PUM2: variants seen among roughly 807,000 people sequenced by gnomAD.
PUM2 encodes the protein pumilio RNA binding family member 2, also known as pumilio homolog 2.
A neutral mutation model predicts 124.5 loss-of-function variants in PUM2; 57 were observed. The observed-to-expected ratio is 0.46, with a 90% CI of 0.37 to 0.57. The LOEUF (loss-of-function observed/expected upper bound fraction) is 0.57. Ranked by LOEUF, PUM2 falls within the 20% of genes least tolerant of loss-of-function variation. The probability of loss-of-function intolerance (pLI) is 0.00; values close to 1 mark genes in which losing one functional copy is unlikely to be tolerated. For missense variants in PUM2, 1,065 were observed against 1,290.6 expected, an observed-to-expected ratio of 0.83 and a Z score of 2.68; for synonymous variants, 460 against 446.1, an observed-to-expected ratio of 1.03 and a Z score of -0.39.
chr2:20,260,229 T>C (rs1457004404), intron 15 of PUM2, 108 bp downstream of exon 15: 2 of 1,205,474 alleles, frequency 1.7e-6, no homozygotes, highest in Non-Finnish European at 2.3e-6. Flanking sequence ...CCCTGGCTTA[T>C]TATCTTTTTT....
At chr2:20,340,636 G>A (rs1352522437) in intron 1 of PUM2, among the ~76,000 whole-genome samples, 2 of 152,126 alleles carry the variant, frequency 1.3e-5, no homozygotes, top group African/African-American at 4.8e-5. Context: ...CAAGACAGGC[G>A]GATTTTTATT....
intron 1 of PUM2, among the ~76,000 whole-genome samples, chr2:20,328,051 T>C (rs775807526): frequency 3.9e-5 from 6 of 152,058 alleles, no homozygotes; most frequent in South Asian, 2.1e-4. Flanking sequence ...AACCCAACAT[T>C]TGGCTAGGTG....
rs150301257 is a variant in PUM2, at chr2:20,296,048, A to G, written c.1009+1505T>C. On this transcript the variant is annotated intron_variant, in intron 8 of 20. Coordinates refer to ENST00000361078, the MANE Select transcript of PUM2 (RefSeq NM_015317.5). ...ACCAACACTTTACATAGTAACATCC[A>G]GTTAAATGGCACCAGAAAAGCTCAC... Among the ~76,000 whole-genome samples, 1,070 of 152,340 alleles carry G rather than the reference A, an allele frequency of 7.0e-3. 11 individuals are homozygous for G. The highest frequency in any genetic ancestry group is 0.024 in the African/African-American group (985 of 41,568).
Position 20,260,309 on chromosome 2 carries a change from G to A in PUM2, c.2355+28C>T, listed in dbSNP as rs79624036. 272 of 1,579,660 alleles carry A rather than the reference G, an allele frequency of 1.7e-4. 1 individual carries two copies. The African/African-American group carries it at 3.0e-3, about 18-fold the overall frequency. ...TCAAGTATACAACAGCTGGATGGGCGGATATACAAATATGCATGAATCCTT... is the reference window on the plus strand; with the variant it reads ...TCAAGTATACAACAGCTGGATGGGCAGATATACAAATATGCATGAATCCTT... On this transcript the variant is annotated intron_variant, in intron 15 of 20. Transcript: ENST00000361078.
intron 13 of PUM2, among the ~76,000 whole-genome samples, chr2:20,270,197 T>G (rs927360821): frequency 6.6e-6 from 1 of 152,236 alleles, no homozygotes; most frequent in South Asian, 2.1e-4. Context: ...CCTGCATATG[T>G]CATATGACCC....
At chr2:20,270,659 CTGAT>C (rs1290220694) in intron 13 of PUM2, among the ~76,000 whole-genome samples, 11 of 152,238 alleles carry the variant, frequency 7.2e-5, no homozygotes, top group African/African-American at 1.4e-4. Flanking sequence ...AAAGAAAACA[CTGAT>C]TGAGAACAGC....
rs200294801 is a variant in PUM2, at chr2:20,261,394, C to CAA, written c.2226-930_2226-929dup. ...AAGCGACAGAGTGAGACTCTGTCTCCAAAAAAAAAAAAAAAAAAAAAAAAA... is the reference window on the plus strand; with the variant it reads ...AAGCGACAGAGTGAGACTCTGTCTCCAAAAAAAAAAAAAAAAAAAAAAAAAAA... On this transcript the variant is annotated intron_variant, in intron 14 of 20. Transcript: ENST00000361078. Among the ~76,000 whole-genome samples, 645 of 76,646 alleles carry CAA rather than the reference C, an allele frequency of 8.4e-3. 154 individuals are homozygous for CAA. The highest frequency in any genetic ancestry group is 0.015 in the African/African-American group (263 of 17,380). The allele number at this position is 76,646 out of a possible 152,430, so 50.3% of individuals were successfully genotyped here. A position where few individuals can be genotyped will look rare whatever the true frequency, so the allele number is the denominator to read the frequency against.
At position 20,250,514 on chromosome 2, in the gene PUM2, A is replaced by T. The variant is rs1055551998; in HGVS notation, c.*1071T>A. 2 of 152,410 alleles carry T rather than the reference A, an allele frequency of 1.3e-5. No homozygotes were observed. Among genetic ancestry groups the T allele is most frequent in the African/African-American group, 4.8e-5 (2 of 41,476 alleles). The allele number at this position is 152,410 out of a possible 1,614,324, so 9.4% of individuals were successfully genotyped here. Reference sequence around the variant, plus strand: ...AATTAGCAAGGCTTTTATAATAAACATTGAAACAAGATTTCCTTTCAAAGT... The same window carrying T: ...AATTAGCAAGGCTTTTATAATAAACTTTGAAACAAGATTTCCTTTCAAAGT... On this transcript the variant is annotated 3_prime_UTR_variant, in exon 21 of 21. Transcript: ENST00000361078.
At chr2:20,264,841 A>G (rs1283105222) in intron 13 of PUM2, among the ~76,000 whole-genome samples, 2 of 152,194 alleles carry the variant, frequency 1.3e-5, no homozygotes, top group African/African-American at 4.8e-5. Flanking sequence ...GAGAGCAGTA[A>G]AACAGTCAAA....
chr2:20,306,667 G>A (rs1678397047), intron 7 of PUM2, among the ~76,000 whole-genome samples: 1 of 148,976 alleles, frequency 6.7e-6, no homozygotes, highest in South Asian at 2.1e-4. Flanking sequence ...GGAGTGCAGT[G>A]GTGCAATCTT....
intron 2 of PUM2, 32 bp from the exon 3 acceptor site, chr2:20,318,677 A>T: frequency 6.9e-7 from 1 of 1,449,580 alleles, no homozygotes; most frequent in Non-Finnish European, 9.7e-7. Context: ...GTTAAATTTT[A>T]TTCTAATTAC....
intron 13 of PUM2, among the ~76,000 whole-genome samples, chr2:20,265,448 T>C (rs539834647): frequency 3.3e-5 from 5 of 152,350 alleles, no homozygotes; most frequent in South Asian, 2.1e-4. Context: ...TACGTATTTC[T>C]AACTGTTCGT....
chr2:20,323,908 C>CAAAAAAA (rs397984008), intron 2 of PUM2, among the ~76,000 whole-genome samples: 2 of 58,436 alleles, frequency 3.4e-5, no homozygotes, highest in African/African-American at 6.0e-5. Context: ...TACGGACTAG[C>CAAAAAAA]AAAAAAAAAA....
At chr2:20,336,833 G>A (rs1239399998) in intron 1 of PUM2, among the ~76,000 whole-genome samples, 1 of 149,600 alleles carries the variant, frequency 6.7e-6, no homozygotes, top group Non-Finnish European at 1.5e-5. Context: ...TGTTGCCCAG[G>A]CTGATCTGGA....
intron 9 of PUM2, among the ~76,000 whole-genome samples, chr2:20,292,480 A>G (rs1281665006): frequency 6.6e-6 from 1 of 151,968 alleles, no homozygotes; most frequent in Non-Finnish European, 1.5e-5. Flanking sequence ...CTCCCACCTC[A>G]GCCTCCCCAG....
chr2:20,282,210 C>T (rs183128672), intron 12 of PUM2, among the ~76,000 whole-genome samples: 8 of 152,292 alleles, frequency 5.3e-5, no homozygotes, highest in South Asian at 2.1e-4. Context: ...AAGAAGTCAA[C>T]GTGGGCCTCT....
chr2:20,268,946 G>A (rs2148676674), intron 13 of PUM2, among the ~76,000 whole-genome samples: 1 of 152,092 alleles, frequency 6.6e-6, no homozygotes, highest in East Asian at 1.9e-4. Context: ...CCTCTTAATA[G>A]CCTATGAGGC....
rs900400983 is a variant in PUM2 at position 20,350,411 on chromosome 2, C to A, written c.-19+186G>T. The stretch of plus-strand genomic sequence containing the variant: ...CCCCCTCCCCCGCACGCGCACACCC[C>A]CTTCCGGCACCCCTCCCCCTGCATT... On this transcript the variant is annotated intron_variant, in intron 1 of 20. Transcript: ENST00000361078. 43 of 904,372 alleles carry A rather than the reference C, an allele frequency of 4.8e-5. No homozygotes were observed. In the African/African-American group the frequency reaches 5.8e-4, roughly 12 times the overall value. The allele number at this position is 904,372 out of a possible 1,614,324, so 56.0% of individuals were successfully genotyped here.
At chr2:20,252,954 A>G (rs193001174) in intron 20 of PUM2, among the ~76,000 whole-genome samples, 173 of 152,340 alleles carry the variant, frequency 1.1e-3, no homozygotes, top group African/African-American at 4.0e-3. Context: ...ACACTGTATT[A>G]GGTATCGTTA....
Sources: gnomAD v4.1 joint callset for allele counts (sites outside exome capture counted in the v4.1 genomes callset) on GRCh38, gnomAD v4.1.1 for gene constraint, MANE v1.5 for transcripts, NCBI Gene and HGNC (gene_info 2026-07-23, HGNC 2026-07-21) for gene names.